The following MTMR9 variants were observed in gnomAD, a reference collection of about 807,000 sequenced individuals.
MTMR9 encodes myotubularin related protein 9.
A neutral mutation model predicts 69.5 loss-of-function variants in MTMR9; 39 were observed. The observed-to-expected ratio is 0.56, with a 90% CI of 0.43 to 0.73. MTMR9 has a LOEUF of 0.73. MTMR9 is among the 30% of genes least tolerant of loss of function. The pLI is 0.00. For missense variants in MTMR9, 900 were observed against 671.2 expected, an observed-to-expected ratio of 1.34 and a Z score of -3.77; for synonymous variants, 354 against 240.8, an observed-to-expected ratio of 1.47 and a Z score of -4.35.
chr8:11,292,965 C>G (rs1702734622), intron 1 of MTMR9, among the ~76,000 whole-genome samples: 2 of 152,200 alleles, frequency 1.3e-5, no homozygotes, highest in South Asian at 2.1e-4. Flanking sequence ...CTATAGTATA[C>G]TTGTTATTGT....
At chr8:11,311,157 T>C (rs999632526) in intron 6 of MTMR9, among the ~76,000 whole-genome samples, 10 of 152,282 alleles carry the variant, frequency 6.6e-5, no homozygotes, top group Middle Eastern at 3.4e-3. Context: ...TTAAAGTACA[T>C]GCTCATCCCC....
intron 1 of MTMR9, among the ~76,000 whole-genome samples, chr8:11,293,621 C>T (rs111595619): frequency 6.6e-6 from 1 of 152,120 alleles, no homozygotes; most frequent in African/African-American, 2.4e-5. Flanking sequence ...ATCTAAGAAA[C>T]CATTGCCTCA....
At position 11,285,855 on chromosome 8, in the gene MTMR9, G is replaced by A. The variant is rs116236615; in HGVS notation, c.182+785G>A. Among the ~76,000 whole-genome samples the A allele has an allele frequency of 1.0e-2, 1,517 of 151,774 alleles. 28 individuals are homozygous for A. Among genetic ancestry groups the A allele is most frequent in the African/African-American group, 0.034 (1,393 of 41,378 alleles). ...TTACACAGAAGTATAAATGAATGACGACAACATTTTCTATTGCCTCACAGG... is the reference window on the plus strand; with the variant it reads ...TTACACAGAAGTATAAATGAATGACAACAACATTTTCTATTGCCTCACAGG... On this transcript the variant is annotated intron_variant, in intron 1 of 9. Transcript: ENST00000221086.
At chr8:11,333,543 A>G in the MTMR9 span, among the ~76,000 whole-genome samples, 3 of 152,208 alleles carry the variant, frequency 2.0e-5, no homozygotes, top group African/African-American at 7.2e-5. Context: ...ACTAGACAGT[A>G]ACTTGAACCC....
At chr8:11,291,983 A>G (rs577141196) in intron 1 of MTMR9, among the ~76,000 whole-genome samples, 4 of 152,276 alleles carry the variant, frequency 2.6e-5, no homozygotes, top group African/African-American at 7.2e-5. Flanking sequence ...AACTGTCACC[A>G]TAAGTTCAAG....
chr8:11,319,373 A>G (rs1434603267), intron 8 of MTMR9: 3 of 205,930 alleles, frequency 1.5e-5, no homozygotes, highest in Non-Finnish European at 9.6e-6. Flanking sequence ...AAATATAACA[A>G]AGGACTTTTG....
downstream of MTMR9, among the ~76,000 whole-genome samples, chr8:11,330,720 A>T (rs543550710): frequency 6.6e-6 from 1 of 152,216 alleles, no homozygotes; most frequent in South Asian, 2.1e-4. Flanking sequence ...TGAAGACAGC[A>T]TGCTCGTTAA....
intron 3 of MTMR9, among the ~76,000 whole-genome samples, chr8:11,304,532 C>T (rs755979841): frequency 6.6e-6 from 1 of 152,172 alleles, no homozygotes; most frequent in Non-Finnish European, 1.5e-5. Flanking sequence ...AAATAGGGAA[C>T]TTGTACGGTG....
Position 11,316,784 on chromosome 8 carries a change from C to T in MTMR9, c.1225C>T (p.Arg409Cys), listed in dbSNP as rs776485415. The T allele has an allele frequency of 3.3e-5, 53 of 1,613,900 alleles. No homozygotes were observed. The highest frequency in any genetic ancestry group is 3.9e-5 in the Non-Finnish European group (46 of 1,179,928). Residue 409 changes from arginine to cysteine, a missense_variant, in exon 8 of 10, where the codon CGT becomes TGT. Coordinates refer to ENST00000221086, the MANE Select transcript of MTMR9 (RefSeq NM_015458.4). The part of the protein sequence containing the change: ...LFLDCVWQIL[R>C]QFPCSFEFNE... ...CTTGGACTGCGTGTGGCAGATCCTTCGTCAGTTTCCCTGTTCTTTTGAGTT... is the reference window on the plus strand; with the variant it reads ...CTTGGACTGCGTGTGGCAGATCCTTTGTCAGTTTCCCTGTTCTTTTGAGTT...
At chr8:11,306,503 T>G (rs17797443) in intron 5 of MTMR9, 96 bp downstream of exon 5, 1 of 1,082,844 alleles carries the variant, frequency 9.2e-7, no homozygotes, top group Non-Finnish European at 1.3e-6. Flanking sequence ...TCAAATTAAC[T>G]TCTGCATTAA....
chr8:11,288,025 ATATATAATATATATTATATAATACGTAT>A (rs1413349311), intron 1 of MTMR9, among the ~76,000 whole-genome samples: 1 of 127,970 alleles, frequency 7.8e-6, no homozygotes, highest in African/African-American at 2.9e-5. Context: ...AATACGTATG[ATATATAATATATATTATATAATACGTAT>A]TATATAATAT....
At chr8:11,306,564 C>G (rs1199784753) in intron 5 of MTMR9, among the ~76,000 whole-genome samples, 157 bp downstream of exon 5, 1 of 151,748 alleles carries the variant, frequency 6.6e-6, no homozygotes, top group Admixed American at 6.6e-5. Context: ...TTGGTCAGCT[C>G]TATTAAGGTT....
intron 4 of MTMR9, among the ~76,000 whole-genome samples, 198 bp downstream of exon 4, chr8:11,305,212 C>T (rs145573091): frequency 1.3e-5 from 2 of 152,176 alleles, no homozygotes; most frequent in Non-Finnish European, 2.9e-5. Context: ...TGAATTCTTT[C>T]CATGATCCTG....
intron 5 of MTMR9, 88 bp from the exon 6 acceptor site, chr8:11,309,439 A>C: frequency 8.8e-7 from 1 of 1,136,248 alleles, no homozygotes. Flanking sequence ...TTTTGCTCTT[A>C]GATATGTTGG....
chr8:11,331,983 G>T (rs1445872908), downstream of MTMR9: 1 of 1,611,932 alleles, frequency 6.2e-7, no homozygotes, highest in South Asian at 1.1e-5. Flanking sequence ...GGTGGTTGTG[G>T]CCCTTATACT....
rs1799883102 is a variant in MTMR9 at position 11,304,918 on chromosome 8, C to G, written c.495C>G (p.Pro165=). Reference sequence around the variant, plus strand: ...CTTACCCACCAATTGTCACAGTGCCCAAATCCATCGATGATGAAGCTCTTC... The same window carrying G: ...CTTACCCACCAATTGTCACAGTGCCGAAATCCATCGATGATGAAGCTCTTC... ...CPSYPPIVTV[P]KSIDDEALRK... is the part of the protein sequence containing the mutation. The change falls in exon 4 of 10, where the codon CCC becomes CCG. Residue 165 remains proline (P), a synonymous_variant. Transcript: ENST00000221086. 6.2e-7 allele frequency: 1 copy of G among 1,614,066 alleles called. No homozygotes were observed. The highest frequency in any genetic ancestry group is 8.5e-7 in the Non-Finnish European group (1 of 1,179,972).
At chr8:11,332,168 A>G, downstream of MTMR9, 1 of 1,598,970 alleles carries the variant, frequency 6.3e-7, no homozygotes, top group Non-Finnish European at 8.5e-7. Flanking sequence ...AGGGATAAAT[A>G]AAGACAAAGA....
At chr8:11,302,672 A>G (rs1799792321) in intron 3 of MTMR9, among the ~76,000 whole-genome samples, 1 of 152,216 alleles carries the variant, frequency 6.6e-6, no homozygotes, top group South Asian at 2.1e-4. Flanking sequence ...GAATGAGGCA[A>G]GGATGTCCAT....
At position 11,303,049 on chromosome 8, in the gene MTMR9, T is replaced by G. The variant is rs529189537; in HGVS notation, c.418-1792T>G. Among the ~76,000 whole-genome samples, 3 of 151,760 alleles carry G rather than the reference T, an allele frequency of 2.0e-5. No homozygotes were observed. In the South Asian group the frequency reaches 6.3e-4, roughly 32 times the overall value. On this transcript the variant is annotated intron_variant, in intron 3 of 9. Transcript: ENST00000221086. ...GATGTAAGTCATTCCCTCCGATTTA[T>G]AAAGTCAATACAATCTTAATAAAAA...
Sources: allele counts gnomAD v4.1 joint callset (sites outside exome capture counted in the v4.1 genomes callset), GRCh38; gene constraint gnomAD v4.1.1; transcripts MANE v1.5; gene names NCBI Gene and HGNC (gene_info 2026-07-23, HGNC 2026-07-21).